Variants in MYO1D observed in about 807,000 individuals in gnomAD.
The protein encoded by MYO1D is unconventional myosin-Id.
Under a neutral mutation model 122.0 loss-of-function variants are expected in MYO1D, and 83 were observed. That is an observed-to-expected ratio of 0.68 (90% CI 0.57 to 0.82). The LOEUF (loss-of-function observed/expected upper bound fraction) is 0.82. MYO1D is among the 40% of genes least tolerant of loss of function. The probability of loss-of-function intolerance (pLI) is 0.00; values close to 1 mark genes in which losing one functional copy is unlikely to be tolerated. For missense variants in MYO1D, 1,157 were observed against 1,269.5 expected, an observed-to-expected ratio of 0.91 and a Z score of 1.35; for synonymous variants, 464 against 446.9, an observed-to-expected ratio of 1.04 and a Z score of -0.48.
At chr17:32,705,987 T>C (rs1489614460) in intron 16 of MYO1D, among the ~76,000 whole-genome samples, 1 of 152,220 alleles carries the variant, frequency 6.6e-6, no homozygotes, top group Non-Finnish European at 1.5e-5. Flanking sequence ...CATGTGGAAC[T>C]GTGAGTCAAT....
At chr17:32,768,013 G>A (rs1567632341) in intron 6 of MYO1D, among the ~76,000 whole-genome samples, 1 of 152,204 alleles carries the variant, frequency 6.6e-6, no homozygotes, top group South Asian at 2.1e-4. Flanking sequence ...AGCAAGTCCT[G>A]AGCTGGCTCA....
At chr17:32,523,168 C>G (rs954113254) in intron 21 of MYO1D, among the ~76,000 whole-genome samples, 6 of 152,160 alleles carry the variant, frequency 3.9e-5, no homozygotes, top group African/African-American at 1.4e-4. Flanking sequence ...TGCCTGCCTA[C>G]CACATGGGAG....
chr17:32,659,005 T>C, intron 17 of MYO1D, 110 bp downstream of exon 17: 2 of 1,038,686 alleles, frequency 1.9e-6, no homozygotes, highest in Non-Finnish European at 2.8e-6. Context: ...TAAAGGTAAA[T>C]GTCATAACAG....
intron 21 of MYO1D, among the ~76,000 whole-genome samples, chr17:32,584,784 C>A (rs949164585): frequency 1.3e-5 from 2 of 152,076 alleles, no homozygotes; most frequent in African/African-American, 4.8e-5. Context: ...AGCACCTGGC[C>A]CAGAACTTTT....
rs894309017 is a variant in MYO1D at position 32,806,930 on chromosome 17, G to A, written c.96-26146C>T. Among the ~76,000 whole-genome samples, 6 of 152,180 alleles carry A rather than the reference G, an allele frequency of 3.9e-5. 1 individual carries two copies. The highest frequency in any genetic ancestry group is 9.7e-5 in the African/African-American group (4 of 41,440). ...TCCTATTTTACAAAACTGGCAACAC[G>A]TAAGCCTTAACTAAATAACATAGGA... On this transcript the variant is annotated intron_variant, in intron 1 of 21. Coordinates refer to ENST00000318217, the MANE Select transcript of MYO1D (RefSeq NM_015194.3).
intron 21 of MYO1D, chr17:32,497,981 A>T (rs1287503987): frequency 6.6e-6 from 1 of 152,144 alleles, no homozygotes; most frequent in Non-Finnish European, 1.5e-5. Context: ...CCCGTTGGCA[A>T]TTCTGGCTTT....
At chr17:32,705,946 C>G (rs964936164) in intron 16 of MYO1D, among the ~76,000 whole-genome samples, 1 of 152,222 alleles carries the variant, frequency 6.6e-6, no homozygotes, top group Non-Finnish European at 1.5e-5. Context: ...ATGCCTTTCA[C>G]CTTCTGCCAT....
chr17:32,688,919 AAGTG>A (rs2150972523), intron 16 of MYO1D, among the ~76,000 whole-genome samples: 3 of 132,384 alleles, frequency 2.3e-5, no homozygotes, highest in African/African-American at 1.0e-4. Context: ...TTGATTTTTG[AAGTG>A]TGTGTGTGTG....
At chr17:32,561,688 CAA>C (rs60531756) in intron 21 of MYO1D, among the ~76,000 whole-genome samples, 20,610 of 70,814 alleles carry the variant, frequency 0.29, 962 homozygotes, top group East Asian at 0.36. Context: ...GGCTCTGTCT[CAA>C]AAAAAAAAAA....
At chr17:32,678,341 C>G (rs2088854888) in intron 16 of MYO1D, among the ~76,000 whole-genome samples, 1 of 151,492 alleles carries the variant, frequency 6.6e-6, no homozygotes, top group African/African-American at 2.4e-5. Flanking sequence ...ATGTGCCATG[C>G]TGGTGCGCTG....
rs79777057 is a variant in MYO1D, at chr17:32,724,200, A to G, written c.1747-3011T>C. Among the ~76,000 whole-genome samples the G allele has an allele frequency of 7.5e-4, 115 of 152,340 alleles. 2 individuals are homozygous for G. The East Asian group carries it at 0.021, about 28-fold the overall frequency. On this transcript the variant is annotated intron_variant, in intron 14 of 21. Coordinates refer to ENST00000318217, the MANE Select transcript of MYO1D (RefSeq NM_015194.3). ...TTTACTTTTTGGTGAATAAACCAAGAAAAGTGGCACTGAGCACAGTAAATG... is the reference window on the plus strand; with the variant it reads ...TTTACTTTTTGGTGAATAAACCAAGGAAAGTGGCACTGAGCACAGTAAATG...
chr17:32,584,366 G>T (rs1193005981), intron 21 of MYO1D, among the ~76,000 whole-genome samples: 1 of 152,072 alleles, frequency 6.6e-6, no homozygotes, highest in Non-Finnish European at 1.5e-5. Context: ...TCAAGAAATA[G>T]ATTTTTCTGG....
chr17:32,527,240 GA>G lies in MYO1D; in HGVS notation c.2865-32326del, dbSNP rs201835330. Among the ~76,000 whole-genome samples, 28 of 152,296 alleles carry G rather than the reference GA, an allele frequency of 1.8e-4. No homozygotes were observed. The East Asian group carries it at 5.2e-3, about 28-fold the overall frequency. On this transcript the variant is annotated intron_variant, in intron 21 of 21. Transcript: ENST00000318217. ...GTCACCATCCAGAGAGGGGACTTCAGAAGAACAAGGAAGGCATGTGAAGCTG... is the reference window on the plus strand; with the variant it reads ...GTCACCATCCAGAGAGGGGACTTCAGAGAACAAGGAAGGCATGTGAAGCTG...
rs144486916 is a variant in MYO1D, at chr17:32,809,592, C to T, written c.96-28808G>A. On this transcript the variant is annotated intron_variant, in intron 1 of 21. Transcript: ENST00000318217. ...TAGCTGGGATTACAGGCATGTGCCA[C>T]TATGCCTGGCTGATTTTTGTATTTT... Among the ~76,000 whole-genome samples, 712 of 152,284 alleles carry T rather than the reference C, an allele frequency of 4.7e-3. 7 individuals are homozygous for T. Among genetic ancestry groups the T allele is most frequent in the African/African-American group, 0.016 (681 of 41,564 alleles).
rs1040235946 is a variant in MYO1D at position 32,506,634 on chromosome 17, T to G, written c.2865-11719A>C. Among the ~76,000 whole-genome samples, 308 of 152,224 alleles carry G rather than the reference T, an allele frequency of 2.0e-3. 3 individuals carry two copies. The highest frequency in any genetic ancestry group is 3.7e-4 in the Non-Finnish European group (25 of 68,044). Reference sequence around the variant, plus strand: ...GAATAAATACATTTAAATATATAAATGAGCACAGTAAACCTAGATGTGCAA... The same window carrying G: ...GAATAAATACATTTAAATATATAAAGGAGCACAGTAAACCTAGATGTGCAA... On this transcript the variant is annotated intron_variant, in intron 21 of 21. Transcript: ENST00000318217.
intron 1 of MYO1D, among the ~76,000 whole-genome samples, chr17:32,829,856 G>A (rs1203045944): frequency 6.6e-6 from 1 of 152,140 alleles, no homozygotes; most frequent in Non-Finnish European, 1.5e-5. Flanking sequence ...TCCCTAGCAT[G>A]AGACCTATCA....
chr17:32,810,164 T>C (rs1381533349), intron 1 of MYO1D, among the ~76,000 whole-genome samples: 1 of 151,834 alleles, frequency 6.6e-6, no homozygotes, highest in Non-Finnish European at 1.5e-5. Context: ...CAGGAACCAA[T>C]GTGACAAGGG....
chr17:32,594,929 T>C (rs905790147), intron 21 of MYO1D, among the ~76,000 whole-genome samples: 1 of 152,188 alleles, frequency 6.6e-6, no homozygotes. Context: ...TCTGAAATTA[T>C]TTCTAGTTCT....
rs918179228 is a variant in MYO1D, at chr17:32,543,764, T to C, written c.2865-48849A>G. ...GGTGGCATGCTAAGTCCTGACTAGA[T>C]AATCCCATGCATATTAAAGCAATAC... On this transcript the variant is annotated intron_variant, in intron 21 of 21. Transcript: ENST00000318217. 1.2e-4 allele frequency among the ~76,000 whole-genome samples: 18 copies of C among 152,132 alleles called. No individual in the cohort carries two copies. The East Asian group carries it at 2.7e-3, about 23-fold the overall frequency.
Sources: allele counts gnomAD v4.1 joint callset (sites outside exome capture counted in the v4.1 genomes callset), GRCh38; gene constraint gnomAD v4.1.1; transcripts MANE v1.5; gene names NCBI Gene and HGNC (gene_info 2026-07-23, HGNC 2026-07-21).